Variants in FRMD4B observed in about 807,000 individuals in gnomAD.
FRMD4B encodes FERM domain containing 4B.
FRMD4B carries 74 observed loss-of-function variants against 141.5 expected under a neutral mutation model. The observed-to-expected ratio is 0.52, with a 90% CI of 0.43 to 0.63. The LOEUF is 0.63. FRMD4B is among the 30% of genes least tolerant of loss of function. The pLI is 0.00. For synonymous variants in FRMD4B, 506 were observed against 467.9 expected (o/e 1.08, Z -1.05); for missense variants, 1,366 against 1,253.4 (o/e 1.09, Z -1.36).
Position 69,352,522 on chromosome 3 carries a change from G to C in FRMD4B, c.162+33306C>G, listed in dbSNP as rs141231384. On this transcript the variant is annotated intron_variant, in intron 1 of 22. Coordinates refer to ENST00000398540, the MANE Select transcript of FRMD4B (RefSeq NM_015123.3). ...TCCCCAGGAGTTTTGCAGTCTACTG[G>C]ATGAGATAATTTCCTTTGTTTTTTA... Among the ~76,000 whole-genome samples the C allele has an allele frequency of 6.6e-5, 10 of 152,098 alleles. No individual in the cohort carries two copies. The East Asian group carries it at 1.5e-3, about 23-fold the overall frequency.
At chr3:69,200,413 T>C (rs2092953932) in intron 11 of FRMD4B, 2 of 997,314 alleles carry the variant, frequency 2.0e-6, no homozygotes, top group Non-Finnish European at 2.4e-6. Context: ...TTCATTTCTT[T>C]AAATCCAGAG....
At chr3:69,497,718 C>CT (rs1350782903) in intron 1 of FRMD4B, among the ~76,000 whole-genome samples, 1 of 152,098 alleles carries the variant, frequency 6.6e-6, no homozygotes, top group Admixed American at 6.5e-5. Flanking sequence ...CCTCATGGAA[C>CT]TTTTTTTAAG....
chr3:69,389,269 G>C (rs1704332823), upstream of FRMD4B, among the ~76,000 whole-genome samples: 1 of 152,064 alleles, frequency 6.6e-6, no homozygotes, highest in Non-Finnish European at 1.5e-5. Context: ...CTGAACTCGT[G>C]ATCCTCCCCC....
intron 9 of FRMD4B, among the ~76,000 whole-genome samples, chr3:69,220,729 G>A (rs1226559309): frequency 6.6e-6 from 1 of 152,098 alleles, no homozygotes; most frequent in Non-Finnish European, 1.5e-5. Context: ...GCATGCGCCT[G>A]TATCATCCCA....
chr3:69,276,742 A>T (rs898149869), intron 5 of FRMD4B, among the ~76,000 whole-genome samples: 3 of 152,152 alleles, frequency 2.0e-5, no homozygotes, highest in Admixed American at 2.0e-4. Flanking sequence ...AGGTGGGCAG[A>T]TCACCTGAGG....
At chr3:69,314,052 T>C (rs2081397158) in intron 1 of FRMD4B, among the ~76,000 whole-genome samples, 1 of 131,252 alleles carries the variant, frequency 7.6e-6, no homozygotes, top group South Asian at 2.5e-4. Context: ...GGCAGGAGAA[T>C]GGCGTGAACC....
intron 5 of FRMD4B, among the ~76,000 whole-genome samples, chr3:69,275,542 T>G (rs2093613970): frequency 6.6e-6 from 1 of 151,638 alleles, no homozygotes; most frequent in South Asian, 2.1e-4. Flanking sequence ...TGGGTTCCAG[T>G]GATCCTCCTG....
rs1415065546 is a variant in FRMD4B, at chr3:69,169,789, T to G, written c.*2072A>C. On this transcript the variant is annotated 3_prime_UTR_variant, in exon 23 of 23. Coordinates refer to ENST00000398540, the MANE Select transcript of FRMD4B (RefSeq NM_015123.3). ...TGTTATTTTATGCAAGATACATGTA[T>G]GGAAATATATTTCATTTCCACTCCC... 6.6e-6 allele frequency among the ~76,000 whole-genome samples: 1 copy of G among 152,252 alleles called. No individual in the cohort carries two copies. Among genetic ancestry groups the G allele is most frequent in the Non-Finnish European group, 1.5e-5 (1 of 68,048 alleles).
intron 1 of FRMD4B, among the ~76,000 whole-genome samples, chr3:69,512,097 A>C (rs1160878242): frequency 6.6e-6 from 1 of 152,214 alleles, no homozygotes; most frequent in African/African-American, 2.4e-5. Flanking sequence ...CTTTGCCTAG[A>C]ATACAAAGCA....
chr3:69,533,969 T>A (rs6796077), intron 1 of FRMD4B, among the ~76,000 whole-genome samples: 44,442 of 152,112 alleles, frequency 0.29, 6,713 homozygotes, highest in African/African-American at 0.33. Flanking sequence ...TGCCCAAGAA[T>A]CTTCCAGGTT....
intron 5 of FRMD4B, among the ~76,000 whole-genome samples, chr3:69,260,446 C>G (rs934490881): frequency 6.6e-6 from 1 of 152,226 alleles, no homozygotes; most frequent in Non-Finnish European, 1.5e-5. Flanking sequence ...TGCACCGGGT[C>G]CCCCAGCACT....
intron 2 of FRMD4B, among the ~76,000 whole-genome samples, chr3:69,414,441 G>T (rs777464339): frequency 1.3e-5 from 2 of 152,230 alleles, no homozygotes; most frequent in Non-Finnish European, 2.9e-5. Context: ...TGTAAGAGAT[G>T]GTTCTTCTTT....
chr3:69,498,558 T>C (rs181080044), intron 1 of FRMD4B, among the ~76,000 whole-genome samples: 60 of 152,334 alleles, frequency 3.9e-4, no homozygotes, highest in Non-Finnish European at 7.9e-4. Flanking sequence ...GAATTGTTGA[T>C]AGTTTCAGTC....
chr3:69,281,621 C>T (rs1243682134), intron 5 of FRMD4B, among the ~76,000 whole-genome samples: 1 of 151,694 alleles, frequency 6.6e-6, no homozygotes, highest in East Asian at 1.9e-4. Flanking sequence ...GTCAGGAGTT[C>T]GAGACCAGCC....
At chr3:69,212,381 G>GAAAAAAAAAAAAAAAAAAAAAA (rs61444871) in intron 11 of FRMD4B, among the ~76,000 whole-genome samples, 2 of 95,596 alleles carry the variant, frequency 2.1e-5, no homozygotes, top group Non-Finnish European at 3.8e-5. Context: ...AAAAAAAAAA[G>GAAAAAAAAAAAAAAAAAAAAAA]AAAAAAAAAA....
chr3:69,422,980 C>A (rs62251459), intron 2 of FRMD4B, among the ~76,000 whole-genome samples: 38,934 of 151,822 alleles, frequency 0.26, 5,567 homozygotes, highest in East Asian at 0.47. Flanking sequence ...GGGCATGAGT[C>A]CCATGTAAGT....
intron 1 of FRMD4B, among the ~76,000 whole-genome samples, chr3:69,526,823 A>G (rs1700937660): frequency 3.3e-5 from 5 of 152,152 alleles, no homozygotes; most frequent in Admixed American, 2.0e-4. Context: ...TGACTTGCAC[A>G]AGGTTAAAAA....
intron 5 of FRMD4B, among the ~76,000 whole-genome samples, chr3:69,252,254 A>C (rs572430116): frequency 6.6e-6 from 1 of 152,320 alleles, no homozygotes; most frequent in South Asian, 2.1e-4. Flanking sequence ...AAGTATTAAA[A>C]ATGCTGAAAT....
At chr3:69,206,593 T>C (rs749251776) in intron 11 of FRMD4B, among the ~76,000 whole-genome samples, 5 of 152,218 alleles carry the variant, frequency 3.3e-5, no homozygotes, top group South Asian at 2.1e-4. Flanking sequence ...ACTGATGTAT[T>C]TGATGCCACC....
Sources: allele counts gnomAD v4.1 joint callset (sites outside exome capture counted in the v4.1 genomes callset), GRCh38; gene constraint gnomAD v4.1.1; transcripts MANE v1.5; gene names NCBI Gene and HGNC (gene_info 2026-07-23, HGNC 2026-07-21).